STAT5B: variants seen among roughly 807,000 people sequenced by gnomAD.
STAT5B encodes signal transducer and activator of transcription 5B, also known as transcription factor STAT5B.
In STAT5B, 21 loss-of-function variants were observed where a neutral mutation model predicts 107.8. The ratio of observed to expected loss-of-function variants is 0.19; its 90% CI spans 0.14 to 0.28. STAT5B has a LOEUF of 0.28. Among genes scored for constraint, STAT5B ranks in the 10% least tolerant of loss-of-function variants. The pLI is 1.00. For missense variants in STAT5B, 565 were observed against 1,008.2 expected, an observed-to-expected ratio of 0.56 and a Z score of 5.95; for synonymous variants, 325 against 401.7, an observed-to-expected ratio of 0.81 and a Z score of 2.28.
chr17:42,246,737 T>C (rs1218651192), intron 1 of STAT5B, among the ~76,000 whole-genome samples: 1 of 152,206 alleles, frequency 6.6e-6, no homozygotes, highest in African/African-American at 2.4e-5. Flanking sequence ...CAGTGAGCTA[T>C]GATCACGCCG....
chr17:42,243,899 T>C (rs2080426888), intron 1 of STAT5B, among the ~76,000 whole-genome samples: 2 of 100,078 alleles, frequency 2.0e-5, no homozygotes, highest in Admixed American at 1.7e-4. Flanking sequence ...TATCTCCATG[T>C]CCAAATCCAT....
chr17:42,217,079 TA>T (rs146909119), intron 11 of STAT5B, 80 bp downstream of exon 11: 1,323 of 1,394,004 alleles, frequency 9.5e-4, no homozygotes, highest in Admixed American at 1.7e-3. Context: ...TGCTATGTGA[TA>T]AAAAAAAAAT....
chr17:42,227,550 C>T lies in STAT5B; in HGVS notation c.264G>A (p.Gly88=). 1 of 1,613,372 alleles carries T rather than the reference C, an allele frequency of 6.2e-7. No individual in the cohort carries two copies. The change falls in exon 3 of 19, where the codon GGG becomes GGA. Residue 88 remains glycine (G), a synonymous_variant. Coordinates refer to ENST00000293328, the MANE Select transcript of STAT5B (RefSeq NM_012448.4). ...EDGFLLKIKL[G]HYATQLQNTY... ...CCACCTGGAGCTGTGTGGCATAGTGCCCCAGCTTGATCTTCAGTAAAAACC... is the reference window on the plus strand; with the variant it reads ...CCACCTGGAGCTGTGTGGCATAGTGTCCCAGCTTGATCTTCAGTAAAAACC...
upstream of STAT5B, among the ~76,000 whole-genome samples, chr17:42,279,081 G>C (rs1482168639): frequency 2.0e-5 from 3 of 151,796 alleles, no homozygotes; most frequent in Admixed American, 2.0e-4. Flanking sequence ...CTCCCAAAGT[G>C]CTGGAATTAC....
At chr17:42,272,710 A>C (rs1183183302) in intron 1 of STAT5B, 2 of 152,142 alleles carry the variant, frequency 1.3e-5, no homozygotes, top group Non-Finnish European at 2.9e-5. Context: ...TAACATGTGG[A>C]CCTAATTTTG....
intron 2 of STAT5B, among the ~76,000 whole-genome samples, chr17:42,228,383 CCTTTCTTTCCTT>C (rs1332374179): frequency 6.6e-6 from 1 of 152,182 alleles, no homozygotes; most frequent in East Asian, 1.9e-4. Flanking sequence ...CTCCCTCCCT[CCTTTCTTTCCTT>C]CTTTCCTTCT....
chr17:42,254,365 A>G (rs1004506618), intron 1 of STAT5B, among the ~76,000 whole-genome samples: 1 of 152,160 alleles, frequency 6.6e-6, no homozygotes, highest in African/African-American at 2.4e-5. Context: ...TTAAAAAATA[A>G]TAATAATAAA....
intron 2 of STAT5B, 145 bp from the exon 3 acceptor site, chr17:42,227,830 G>T: frequency 1.3e-6 from 1 of 762,688 alleles, no homozygotes; most frequent in Non-Finnish European, 2.1e-6. Flanking sequence ...CAACAGAAAT[G>T]GACTCAATGC....
At chr17:42,272,931 T>G (rs958832825) in intron 1 of STAT5B, among the ~76,000 whole-genome samples, 1 of 152,230 alleles carries the variant, frequency 6.6e-6, no homozygotes, top group African/African-American at 2.4e-5. Context: ...CTCTTTTGAT[T>G]AGTAAAAACA....
In STAT5B at chr17:42,218,349, C is replaced by G. The variant is rs2080191670; in HGVS notation, c.990-19G>C. On this transcript the variant is annotated intron_variant, in intron 8 of 18. Coordinates refer to ENST00000293328, the MANE Select transcript of STAT5B (RefSeq NM_012448.4). Reference sequence around the variant, plus strand: ...GAACGTGCTGCAGGGGACACAGGGACAGATGCATGATGAGGGGCTGGTGCA... The same window carrying G: ...GAACGTGCTGCAGGGGACACAGGGAGAGATGCATGATGAGGGGCTGGTGCA... 1.2e-6 allele frequency: 2 copies of G among 1,609,362 alleles called. No individual in the cohort carries two copies. Among genetic ancestry groups the G allele is most frequent in the Non-Finnish European group, 1.7e-6 (2 of 1,177,040 alleles).
chr17:42,257,294 T>C (rs1037849712), intron 1 of STAT5B, among the ~76,000 whole-genome samples: 9 of 152,214 alleles, frequency 5.9e-5, no homozygotes, highest in Admixed American at 2.0e-4. Context: ...CACCTGACAA[T>C]TGAATCTTAC....
chr17:42,235,046 C>T (rs995928002), intron 1 of STAT5B: 1 of 152,198 alleles, frequency 6.6e-6, no homozygotes, highest in Non-Finnish European at 1.5e-5. Flanking sequence ...TACAAAAATT[C>T]TCTTGCATCT....
chr17:42,217,689 CTTTT>C (rs370849128), intron 9 of STAT5B: 115 of 438,578 alleles, frequency 2.6e-4, no homozygotes, highest in Middle Eastern at 1.4e-3. Context: ...CCTAAGAGAA[CTTTT>C]TTTTTTTTTT....
chr17:42,202,308 CCCCTGTGGA>C, intron 18 of STAT5B, 23 bp downstream of exon 18: 1 of 1,612,950 alleles, frequency 6.2e-7, no homozygotes, highest in Non-Finnish European at 8.5e-7. Context: ...CCCAGTTCCT[CCCCTGTGGA>C]CCCCCACAAG....
chr17:42,214,853 G>A lies in STAT5B; in HGVS notation c.1473+1161C>T, dbSNP rs985292679. On this transcript the variant is annotated intron_variant, in intron 12 of 18. Transcript: ENST00000293328. ...CAGCCTGGACCTCCTGGGCTCAGGC[G>A]ATCCTCCCGCCTCAGCCCCCCCCAA... Among the ~76,000 whole-genome samples, 6 of 152,038 alleles carry A rather than the reference G, an allele frequency of 3.9e-5. 1 individual carries two copies. The highest frequency in any genetic ancestry group is 3.3e-4 in the Admixed American group (5 of 15,250).
At chr17:42,265,605 C>T (rs1024524454) in intron 1 of STAT5B, among the ~76,000 whole-genome samples, 1 of 152,058 alleles carries the variant, frequency 6.6e-6, no homozygotes, top group African/African-American at 2.4e-5. Context: ...ACTGCCTTAG[C>T]TTCCCAAAGT....
the STAT5B span, among the ~76,000 whole-genome samples, chr17:42,287,165 C>T: frequency 6.6e-6 from 1 of 152,014 alleles, no homozygotes; most frequent in African/African-American, 2.4e-5. Context: ...GTGGGGAGAA[C>T]GCAGACATTT....
chr17:42,256,728 G>A (rs1259363058), intron 1 of STAT5B, among the ~76,000 whole-genome samples: 4 of 151,802 alleles, frequency 2.6e-5, no homozygotes, highest in Non-Finnish European at 5.9e-5. Flanking sequence ...CGGGTGTGGT[G>A]GCAGATGCCT....
the STAT5B span, among the ~76,000 whole-genome samples, chr17:42,287,331 C>CA: frequency 6.5e-4 from 51 of 78,264 alleles, no homozygotes; most frequent in African/African-American, 2.1e-3. Context: ...TGAGAATGCA[C>CA]CCCCCCCAAC....
Sources: allele counts gnomAD v4.1 joint callset (sites outside exome capture counted in the v4.1 genomes callset), GRCh38; gene constraint gnomAD v4.1.1; transcripts MANE v1.5; gene names NCBI Gene and HGNC (gene_info 2026-07-23, HGNC 2026-07-21).